Variants in ARHGAP26 observed in about 807,000 individuals in gnomAD.
ARHGAP26 encodes rho GTPase-activating protein 26.
ARHGAP26 carries 38 observed loss-of-function variants against 104.8 expected under a neutral mutation model. The ratio of observed to expected loss-of-function variants is 0.36; its 90% CI spans 0.28 to 0.48. The LOEUF (loss-of-function observed/expected upper bound fraction) is 0.48. Among genes scored for constraint, ARHGAP26 ranks in the 20% least tolerant of loss-of-function variants. ARHGAP26 has a pLI of 0.99. For synonymous variants in ARHGAP26, 341 were observed against 340.0 expected, an observed-to-expected ratio of 1.00 and a Z score of -0.03; for missense variants, 704 against 947.9, an observed-to-expected ratio of 0.74 and a Z score of 3.38.
intron 17 of ARHGAP26, among the ~76,000 whole-genome samples, chr5:143,061,968 C>T (rs1352171695): frequency 2.6e-5 from 4 of 152,166 alleles, no homozygotes; most frequent in African/African-American, 9.7e-5. Context: ...CATTGAGGAC[C>T]ACCATGATTA....
intron 20 of ARHGAP26, among the ~76,000 whole-genome samples, chr5:143,193,380 T>C (rs1806266410): frequency 6.6e-6 from 1 of 151,474 alleles, no homozygotes; most frequent in Admixed American, 6.6e-5. Flanking sequence ...CTTGAATAGC[T>C]GCGATCACAG....
At chr5:142,851,047 T>C (rs1377864420) in intron 1 of ARHGAP26, among the ~76,000 whole-genome samples, 1 of 152,220 alleles carries the variant, frequency 6.6e-6, no homozygotes, top group Non-Finnish European at 1.5e-5. Context: ...AATAATTTAA[T>C]TGTTTCACAG....
chr5:142,908,379 A>G lies in ARHGAP26; in HGVS notation c.933+575A>G, dbSNP rs566488082. Among the ~76,000 whole-genome samples, 41 of 152,380 alleles carry G rather than the reference A, an allele frequency of 2.7e-4. 1 individual carries two copies. Among genetic ancestry groups the G allele is most frequent in the South Asian group, 1.7e-3 (8 of 4,834 alleles). On this transcript the variant is annotated intron_variant, in intron 9 of 22. Transcript: ENST00000645722. ...AGCTAGAACAAGGAGGGTCTGAAGC[A>G]GCTCAAGCTGGCCAGATACAGCTGT...
chr5:142,805,172 G>A (rs971615787), intron 1 of ARHGAP26, among the ~76,000 whole-genome samples: 3 of 148,104 alleles, frequency 2.0e-5, no homozygotes, highest in African/African-American at 7.5e-5. Flanking sequence ...GCGCAATCTC[G>A]GCTCACTGCA....
At chr5:142,832,651 A>G (rs1371399452) in intron 1 of ARHGAP26, among the ~76,000 whole-genome samples, 2 of 152,236 alleles carry the variant, frequency 1.3e-5, no homozygotes, top group African/African-American at 2.4e-5. Flanking sequence ...CAGTTTAGGT[A>G]AGTCCCTCTG....
chr5:142,913,009 G>A (rs1284775198), intron 9 of ARHGAP26, among the ~76,000 whole-genome samples, 190 bp from the exon 10 acceptor site: 1 of 152,162 alleles, frequency 6.6e-6, no homozygotes, highest in East Asian at 1.9e-4. Flanking sequence ...AGTCTAACAT[G>A]GTATACGAAT....
intron 19 of ARHGAP26, among the ~76,000 whole-genome samples, chr5:143,143,053 T>C (rs1798750021): frequency 6.6e-6 from 1 of 152,188 alleles, no homozygotes; most frequent in African/African-American, 2.4e-5. Flanking sequence ...TGAGGCATCC[T>C]GAGATGCTGT....
At position 142,932,042 on chromosome 5, in the gene ARHGAP26, T is replaced by C. The variant is rs1301487137; in HGVS notation, c.1029-5T>C. The C allele has an allele frequency of 6.2e-7, 1 of 1,613,916 alleles. No homozygotes were observed. The highest frequency in any genetic ancestry group is 8.5e-7 in the Non-Finnish European group (1 of 1,179,874). ...TTCATATCCATGTCCCTCCTTTCTC[T>C]GCAGGCCAGGGGTTATCACCATGCA... On this transcript the variant is annotated splice_region_variant and splice_polypyrimidine_tract_variant and intron_variant, in intron 10 of 22. Transcript: ENST00000645722.
At chr5:143,005,687 C>T (rs1230034530) in intron 11 of ARHGAP26, among the ~76,000 whole-genome samples, 1 of 152,198 alleles carries the variant, frequency 6.6e-6, no homozygotes, top group Non-Finnish European at 1.5e-5. Flanking sequence ...AGGTACAAAG[C>T]AACAGGCAAT....
intron 20 of ARHGAP26, among the ~76,000 whole-genome samples, chr5:143,185,335 CT>C: frequency 6.9e-6 from 1 of 145,338 alleles, no homozygotes; most frequent in East Asian, 2.0e-4. Flanking sequence ...TTGGTTTTGT[CT>C]TTTGCCTGTT....
chr5:143,158,772 C>T (rs1034764715), intron 20 of ARHGAP26, among the ~76,000 whole-genome samples: 1 of 152,176 alleles, frequency 6.6e-6, no homozygotes, highest in African/African-American at 2.4e-5. Context: ...CAAAAATACT[C>T]AGAAAAGGGA....
Position 142,903,615 on chromosome 5 carries a change from C to T in ARHGAP26, c.778C>T (p.His260Tyr). The change falls in exon 8 of 23, where the codon CAC becomes TAC. Residue 260 changes from histidine (H) to tyrosine (Y), a missense_variant. This residue lies in a region of ARHGAP26 where 287 missense variants were observed against 438.8 expected (regional missense o/e 0.65). Coordinates refer to ENST00000645722, the MANE Select transcript of ARHGAP26 (RefSeq NM_001135608.3). ...MKKMKENPLE[H>Y]KTISPYTMEG... ...AAAGATGAAGGAGAATCCCCTTGAG[C>T]ACAAGACCATCAGTCCCTACACCAT... 6.2e-7 allele frequency: 1 copy of T among 1,614,042 alleles called. No homozygotes were observed.
At chr5:143,095,493 AAAAC>A (rs1466094227) in intron 17 of ARHGAP26, among the ~76,000 whole-genome samples, 1 of 152,252 alleles carries the variant, frequency 6.6e-6, no homozygotes, top group Non-Finnish European at 1.5e-5. Context: ...AATTAAAACT[AAAAC>A]AATTTTAAAG....
intron 20 of ARHGAP26, among the ~76,000 whole-genome samples, chr5:143,149,783 G>GA (rs1380868630): frequency 6.6e-6 from 1 of 152,124 alleles, no homozygotes; most frequent in East Asian, 1.9e-4. Context: ...AACAAAGGTG[G>GA]GCTGGGAGGA....
At chr5:142,791,111 G>A (rs1384821619) in intron 1 of ARHGAP26, among the ~76,000 whole-genome samples, 1 of 144,666 alleles carries the variant, frequency 6.9e-6, no homozygotes, top group Admixed American at 6.9e-5. Flanking sequence ...ACAGAGTCTC[G>A]CTCTGTTGCC....
chr5:142,922,452 G>GA (rs1055624752), intron 10 of ARHGAP26, among the ~76,000 whole-genome samples: 2 of 151,730 alleles, frequency 1.3e-5, no homozygotes, highest in Admixed American at 6.6e-5. Context: ...GTTTTCTGTA[G>GA]AAAAAAATAA....
At chr5:143,017,954 C>T (rs1043539660) in intron 12 of ARHGAP26, among the ~76,000 whole-genome samples, 14 of 152,166 alleles carry the variant, frequency 9.2e-5, no homozygotes, top group Non-Finnish European at 1.3e-4. Flanking sequence ...GTGGTCGATC[C>T]GCAGTCCCAC....
Position 143,131,759 on chromosome 5 carries a change from T to G in ARHGAP26, c.1699-2208T>G, listed in dbSNP as rs542862212. Reference sequence around the variant, plus strand: ...TGGCCTCCAGCTTAGAGATGCATCATGGGATGCATCTGCCTAGCATAGTGC... The same window carrying G: ...TGGCCTCCAGCTTAGAGATGCATCAGGGGATGCATCTGCCTAGCATAGTGC... On this transcript the variant is annotated intron_variant, in intron 18 of 22. Coordinates refer to ENST00000645722, the MANE Select transcript of ARHGAP26 (RefSeq NM_001135608.3). 5.9e-5 allele frequency among the ~76,000 whole-genome samples: 9 copies of G among 152,304 alleles called. No individual in the cohort carries two copies. In the South Asian group the frequency reaches 1.9e-3, roughly 32 times the overall value.
At chr5:142,807,049 A>G (rs1470135190) in intron 1 of ARHGAP26, among the ~76,000 whole-genome samples, 1 of 152,212 alleles carries the variant, frequency 6.6e-6, no homozygotes, top group Admixed American at 6.5e-5. Flanking sequence ...ATTTTTCTGT[A>G]ACATGATCCT....
Sources: allele counts gnomAD v4.1 joint callset (sites outside exome capture counted in the v4.1 genomes callset), GRCh38; gene constraint gnomAD v4.1.1; regional missense constraint gnomAD v4.1.1; transcripts MANE v1.5; gene names NCBI Gene and HGNC (gene_info 2026-07-23, HGNC 2026-07-21).